The following CA8 variants were observed in gnomAD, a reference collection of about 807,000 sequenced individuals.
The protein encoded by CA8 is carbonic anhydrase 8 (inactive).
A neutral mutation model predicts 41.4 loss-of-function variants in CA8; 22 were observed. The ratio of observed to expected loss-of-function variants is 0.53; its 90% CI spans 0.38 to 0.76. The LOEUF (loss-of-function observed/expected upper bound fraction) is 0.76, where lower values mean the gene tolerates loss of function less well. Ranked by LOEUF, CA8 falls within the 30% of genes least tolerant of loss-of-function variation. The pLI is 0.00. For synonymous variants in CA8, 121 were observed against 130.6 expected, an observed-to-expected ratio of 0.93 and a Z score of 0.50; for missense variants, 270 against 352.8, an observed-to-expected ratio of 0.77 and a Z score of 1.88.
chr8:60,210,450 T>C (rs1036233263), intron 7 of CA8, among the ~76,000 whole-genome samples: 1 of 152,186 alleles, frequency 6.6e-6, no homozygotes. Flanking sequence ...AAGCCCTGAA[T>C]GATATGCAAA....
chr8:60,231,772 C>T (rs2130494192), intron 4 of CA8, among the ~76,000 whole-genome samples: 1 of 152,296 alleles, frequency 6.6e-6, no homozygotes, highest in South Asian at 2.1e-4. Flanking sequence ...TCTTTGCCTA[C>T]CACAGAGCTC....
chr8:60,214,895 C>G (rs11990876), intron 7 of CA8, among the ~76,000 whole-genome samples: 53,177 of 151,750 alleles, frequency 0.35, 9,947 homozygotes, highest in Admixed American at 0.44. Context: ...CTTCATTTCA[C>G]TGGTGTTATT....
At chr8:60,231,519 T>C (rs761957823) in intron 4 of CA8, among the ~76,000 whole-genome samples, 5 of 152,210 alleles carry the variant, frequency 3.3e-5, no homozygotes, top group Admixed American at 1.3e-4. Context: ...TGTGCTAACA[T>C]GCTCTAATCC....
chr8:60,215,988 G>T (rs1040160477), intron 7 of CA8, among the ~76,000 whole-genome samples: 1 of 152,140 alleles, frequency 6.6e-6, no homozygotes, highest in African/African-American at 2.4e-5. Context: ...TGGTATAGAA[G>T]AAAACACTGC....
chr8:60,227,023 G>A (rs1461392970), intron 4 of CA8, 88 bp from the exon 5 acceptor site: 8 of 925,182 alleles, frequency 8.6e-6, no homozygotes, highest in Non-Finnish European at 1.4e-5. Flanking sequence ...TGAGTGTGGT[G>A]GCTCATGCCT....
chr8:60,251,349 A>G (rs1808437654), intron 3 of CA8, among the ~76,000 whole-genome samples: 1 of 152,224 alleles, frequency 6.6e-6, no homozygotes, highest in Non-Finnish European at 1.5e-5. Flanking sequence ...ATAGCCCACT[A>G]TATGCCAGGA....
intron 7 of CA8, 96 bp downstream of exon 7, chr8:60,222,553 T>C (rs2130466853): frequency 1.3e-6 from 1 of 782,116 alleles, no homozygotes; most frequent in Middle Eastern, 2.7e-4. Flanking sequence ...ATGACTGATC[T>C]ACAGGAAGCT....
intron 7 of CA8, among the ~76,000 whole-genome samples, chr8:60,218,630 G>T (rs1030573635): frequency 6.6e-6 from 1 of 152,146 alleles, no homozygotes; most frequent in East Asian, 1.9e-4. Flanking sequence ...AAAAGCAAAT[G>T]AATGCATTCG....
chr8:60,210,647 C>T lies in CA8; in HGVS notation c.739-1728G>A, dbSNP rs148982667. Reference sequence around the variant, plus strand: ...TTTTTTTTCTCTCTGTACTTACATGCGCTTCGAATGTCTTATTTTTCCATG... The same window carrying T: ...TTTTTTTTCTCTCTGTACTTACATGTGCTTCGAATGTCTTATTTTTCCATG... On this transcript the variant is annotated intron_variant, in intron 7 of 8. Coordinates refer to ENST00000317995, the MANE Select transcript of CA8 (RefSeq NM_004056.6). Among the ~76,000 whole-genome samples the T allele has an allele frequency of 2.9e-4, 44 of 151,574 alleles. 1 individual carries two copies. The highest frequency in any genetic ancestry group is 8.5e-4 in the African/African-American group (35 of 41,332).
chr8:60,246,632 A>C (rs1443203804), intron 3 of CA8, among the ~76,000 whole-genome samples: 1 of 152,020 alleles, frequency 6.6e-6, no homozygotes, highest in Non-Finnish European at 1.5e-5. Flanking sequence ...CAATTAAAAA[A>C]CTTTATTTGT....
intron 3 of CA8, among the ~76,000 whole-genome samples, chr8:60,259,205 G>A (rs10097537): frequency 0.51 from 77,016 of 152,052 alleles, 21,539 homozygotes; most frequent in African/African-American, 0.77. Flanking sequence ...TCAAATCAGA[G>A]GCTATTTATT....
intron 3 of CA8, among the ~76,000 whole-genome samples, chr8:60,250,075 T>C (rs1435921396): frequency 2.0e-5 from 3 of 152,168 alleles, no homozygotes; most frequent in South Asian, 2.1e-4. Flanking sequence ...ATAATACCAA[T>C]AAGCATTGGT....
At chr8:60,212,548 C>T (rs1386287722) in intron 7 of CA8, among the ~76,000 whole-genome samples, 1 of 152,112 alleles carries the variant, frequency 6.6e-6, no homozygotes, top group Non-Finnish European at 1.5e-5. Context: ...GACATGGAAA[C>T]ACAAGTATTG....
chr8:60,223,574 T>C (rs1295011136), intron 6 of CA8, among the ~76,000 whole-genome samples: 1 of 152,230 alleles, frequency 6.6e-6, no homozygotes. Context: ...GGTATGATCA[T>C]GTCTGTCTGA....
At chr8:60,215,406 CA>C (rs1806985549) in intron 7 of CA8, among the ~76,000 whole-genome samples, 1 of 145,366 alleles carries the variant, frequency 6.9e-6, no homozygotes. Context: ...TTTGGGGACT[CA>C]GGGGGAAAGG....
At chr8:60,245,649 C>T (rs1365702133) in intron 3 of CA8, among the ~76,000 whole-genome samples, 2 of 152,192 alleles carry the variant, frequency 1.3e-5, no homozygotes, top group African/African-American at 2.4e-5. Context: ...ACTTTTAACA[C>T]ACTAGTGACC....
At chr8:60,209,976 CA>C (rs1188899502) in intron 7 of CA8, among the ~76,000 whole-genome samples, 4 of 152,288 alleles carry the variant, frequency 2.6e-5, no homozygotes, top group African/African-American at 9.6e-5. Flanking sequence ...GAGCATTCCC[CA>C]GGATTATTCC....
intron 4 of CA8, among the ~76,000 whole-genome samples, chr8:60,228,299 T>C (rs1050088831): frequency 6.6e-6 from 1 of 152,210 alleles, no homozygotes; most frequent in African/African-American, 2.4e-5. Flanking sequence ...TAAAACCTAA[T>C]GCATATGTAC....
intron 8 of CA8, among the ~76,000 whole-genome samples, chr8:60,194,813 T>C (rs1403823110): frequency 6.6e-6 from 1 of 152,176 alleles, no homozygotes; most frequent in East Asian, 1.9e-4. Flanking sequence ...GTGGCTGTTG[T>C]CTCCTCTCTT....
Sources: gnomAD v4.1 joint callset for allele counts (sites outside exome capture counted in the v4.1 genomes callset) on GRCh38, gnomAD v4.1.1 for gene constraint, MANE v1.5 for transcripts, NCBI Gene and HGNC (gene_info 2026-07-23, HGNC 2026-07-21) for gene names.